The following NPHP4 variants were observed in gnomAD, a reference collection of about 807,000 sequenced individuals.
The protein encoded by NPHP4 is nephrocystin-4.
A neutral mutation model predicts 155.8 loss-of-function variants in NPHP4; 151 were observed. That is an observed-to-expected ratio of 0.97 (90% CI 0.85 to 1.11). NPHP4 has a LOEUF of 1.11. Among genes scored for constraint, NPHP4 ranks in the 50% least tolerant of loss-of-function variants. The pLI is 0.00. For synonymous variants in NPHP4, 845 were observed against 816.8 expected, an observed-to-expected ratio of 1.03 and a Z score of -0.59; for missense variants, 1,956 against 1,925.7, an observed-to-expected ratio of 1.02 and a Z score of -0.29.
In NPHP4 at chr1:5,866,405, C is replaced by T. The variant is rs374003717; in HGVS notation, c.3612G>A (p.Pro1204=). The stretch of plus-strand genomic sequence containing the variant: ...TGATGACAAAGAAGTCTTTGATCTC[C>T]GGGCTTGGACCACTGGCCACCTTCA... The part of the protein sequence containing the change: ...IFLKVASGPS[P]EIKDFFVIIY... The change falls in exon 26 of 30, where the codon CCG becomes CCA. Residue 1204 remains proline (P), a synonymous_variant. Coordinates refer to ENST00000378156, the MANE Select transcript of NPHP4 (RefSeq NM_015102.5). 627 of 1,609,062 alleles carry T rather than the reference C, an allele frequency of 3.9e-4. 1 individual carries two copies. Among genetic ancestry groups the T allele is most frequent in the Middle Eastern group, 6.6e-4 (4 of 6,054 alleles).
Position 5,877,074 on chromosome 1 carries a change from C to G in NPHP4, c.2817+19G>C. The G allele has an allele frequency of 6.7e-7, 1 of 1,485,748 alleles. No homozygotes were observed. Among genetic ancestry groups the G allele is most frequent in the Non-Finnish European group, 9.1e-7 (1 of 1,103,420 alleles). 92.0% of individuals were successfully genotyped at this position (1,485,748 alleles called of 1,614,324 possible). A position where few individuals can be genotyped will look rare whatever the true frequency, so the allele number is the denominator to read the frequency against. On this transcript the variant is annotated intron_variant, in intron 20 of 29. Transcript: ENST00000378156. ...CTGCATGGAGATCCCAGGACAGTGA[C>G]AGCTGAACAAACCCTTACCAACACG...
chr1:5,982,436 G>C (rs1654858323), intron 2 of NPHP4, among the ~76,000 whole-genome samples: 1 of 152,156 alleles, frequency 6.6e-6, no homozygotes, highest in Non-Finnish European at 1.5e-5. Flanking sequence ...CTACCCTCTA[G>C]GTTTACGTAA....
chr1:5,914,101 C>T (rs945511645), intron 11 of NPHP4, among the ~76,000 whole-genome samples: 5 of 151,916 alleles, frequency 3.3e-5, no homozygotes, highest in African/African-American at 1.2e-4. Flanking sequence ...TCACTTCCAG[C>T]GTCACCTCAC....
At chr1:5,927,103 G>A (rs1007857489) in intron 11 of NPHP4, among the ~76,000 whole-genome samples, 10 of 152,216 alleles carry the variant, frequency 6.6e-5, no homozygotes, top group Non-Finnish European at 1.2e-4. Context: ...CTAGGCTGAC[G>A]GCCAATAAGA....
At chr1:5,968,092 T>C (rs927160764) in intron 4 of NPHP4, among the ~76,000 whole-genome samples, 1 of 151,748 alleles carries the variant, frequency 6.6e-6, no homozygotes, top group Non-Finnish European at 1.5e-5. Flanking sequence ...TCGCTCAATA[T>C]TCAAGCAGAA....
At chr1:5,891,456 T>G (rs1644122423) in intron 16 of NPHP4, among the ~76,000 whole-genome samples, 2 of 152,178 alleles carry the variant, frequency 1.3e-5, no homozygotes, top group South Asian at 4.1e-4. Context: ...GAATGATGTG[T>G]GGGACACCCA....
At chr1:5,950,363 G>A (rs1259628345) in intron 7 of NPHP4, among the ~76,000 whole-genome samples, 2 of 152,174 alleles carry the variant, frequency 1.3e-5, no homozygotes, top group Non-Finnish European at 2.9e-5. Context: ...AGGGAGGAGG[G>A]CAGGCACCAT....
chr1:5,965,922 G>A (rs1218596474), intron 5 of NPHP4, among the ~76,000 whole-genome samples: 2 of 152,132 alleles, frequency 1.3e-5, no homozygotes, highest in Non-Finnish European at 2.9e-5. Context: ...GTCCCATGAA[G>A]CGGCATGGGA....
chr1:5,924,152 A>C (rs551371795), intron 11 of NPHP4, among the ~76,000 whole-genome samples: 1 of 152,310 alleles, frequency 6.6e-6, no homozygotes, highest in South Asian at 2.1e-4. Context: ...AAAGAACTTG[A>C]AGTGAACTTG....
At chr1:5,937,271 C>T (rs1460405221) in intron 9 of NPHP4, among the ~76,000 whole-genome samples, 1 of 152,158 alleles carries the variant, frequency 6.6e-6, no homozygotes, top group Non-Finnish European at 1.5e-5. Flanking sequence ...CCCTACCACA[C>T]CTGGGGTTTG....
chr1:5,975,971 T>C (rs146373285), intron 3 of NPHP4, among the ~76,000 whole-genome samples: 165 of 152,210 alleles, frequency 1.1e-3, no homozygotes, highest in Non-Finnish European at 1.4e-3. Flanking sequence ...CCGAAGCCTC[T>C]CTAAAGGGAG....
In NPHP4 at chr1:5,947,103, C is replaced by G; in HGVS notation, c.1119+1G>C. The G allele has an allele frequency of 6.2e-7, 1 of 1,613,994 alleles. No homozygotes were observed. Among genetic ancestry groups the G allele is most frequent in the Non-Finnish European group, 8.5e-7 (1 of 1,179,862 alleles). On this transcript the variant is annotated splice_donor_variant, in intron 9 of 29. Transcript: ENST00000378156. LOFTEE classifies it high-confidence loss of function. ...ACCGAGTGCAAAAGGGCTGTTCTTA[C>G]ATTGCCGTCCACTCCTGCAGGGCTG...
At chr1:5,988,972 T>C (rs1189995535) in intron 1 of NPHP4, among the ~76,000 whole-genome samples, 5 of 152,244 alleles carry the variant, frequency 3.3e-5, no homozygotes, top group Non-Finnish European at 5.9e-5. Context: ...TTGTTCCTTT[T>C]TGTTCTCTGT....
At chr1:5,983,475 G>A (rs151218349) in intron 2 of NPHP4, among the ~76,000 whole-genome samples, 6 of 152,294 alleles carry the variant, frequency 3.9e-5, no homozygotes, top group South Asian at 2.1e-4. Flanking sequence ...AACATTTCAC[G>A]TGTGTTGTTA....
chr1:5,969,046 G>A, intron 4 of NPHP4, 41 bp downstream of exon 4: 1 of 1,281,900 alleles, frequency 7.8e-7, no homozygotes, highest in Non-Finnish European at 1.1e-6. Context: ...AAAAAAGACA[G>A]ACGCTGGAAA....
In NPHP4 at chr1:5,890,332, T is replaced by C. The variant is rs976542024; in HGVS notation, c.2304+536A>G. On this transcript the variant is annotated intron_variant, in intron 17 of 29. Coordinates refer to ENST00000378156, the MANE Select transcript of NPHP4 (RefSeq NM_015102.5). The surrounding 1 kb of genome is among the most constrained non-coding windows in gnomAD (Gnocchi z 4.9). ...GTCCCCTTCATACAATGGAGAAGGC[T>C]TGGGAAGAATTCCAGGGAAGACGAG... 6.6e-6 allele frequency among the ~76,000 whole-genome samples: 1 copy of C among 152,138 alleles called. No individual in the cohort carries two copies. Among genetic ancestry groups the C allele is most frequent in the African/African-American group, 2.4e-5 (1 of 41,428 alleles).
Position 5,887,429 on chromosome 1 carries a change from G to A in NPHP4, c.2342C>T (p.Ser781Phe). 6.2e-7 allele frequency: 1 copy of A among 1,613,340 alleles called. No homozygotes were observed. Among genetic ancestry groups the A allele is most frequent in the Non-Finnish European group, 8.5e-7 (1 of 1,179,890 alleles). The change falls in exon 18 of 30, where the codon TCC (serine) becomes TTC (phenylalanine). Residue 781 changes from serine to phenylalanine, a missense_variant. By Grantham distance (155) the Ser-to-Phe change is radical. Coordinates refer to ENST00000378156, the MANE Select transcript of NPHP4 (RefSeq NM_015102.5). Reference sequence around the variant, plus strand: ...AGTTGCCACGACCTCAAGCTCGTGGGAGGCCTGCACAGCCGGCCGGCCTTG... The same window carrying A: ...AGTTGCCACGACCTCAAGCTCGTGGAAGGCCTGCACAGCCGGCCGGCCTTG... ...LRQGRPAVQA[S>F]HELEVVATEY...
chr1:5,874,451 TG>T lies in NPHP4; in HGVS notation c.3231+19del. 6.7e-7 allele frequency: 1 copy of T among 1,502,056 alleles called. No individual in the cohort carries two copies. Among genetic ancestry groups the T allele is most frequent in the South Asian group, 1.3e-5 (1 of 77,216 alleles). The allele number at this position is 1,502,056 out of a possible 1,614,324, so 93.0% of individuals were successfully genotyped here. On this transcript the variant is annotated intron_variant, in intron 22 of 29. Transcript: ENST00000378156. ...CGTCATCAGCCAAATGCAACTTCCCTGTGTGCCTGACACCCGCACCTGCACC... is the reference window on the plus strand; with the variant it reads ...CGTCATCAGCCAAATGCAACTTCCCTTGTGCCTGACACCCGCACCTGCACC...
chr1:5,934,075 T>C (rs1268886154), intron 9 of NPHP4, among the ~76,000 whole-genome samples: 1 of 152,184 alleles, frequency 6.6e-6, no homozygotes, highest in Non-Finnish European at 1.5e-5. Flanking sequence ...TCCATTTACT[T>C]AAAAAGAAGT....
Sources: gnomAD v4.1 joint callset for allele counts (sites outside exome capture counted in the v4.1 genomes callset) on GRCh38, gnomAD v4.1.1 for gene constraint, Gnocchi (gnomAD v3.1) non-coding constraint, MANE v1.5 for transcripts, NCBI Gene and HGNC (gene_info 2026-07-23, HGNC 2026-07-21) for gene names.